KIAA0825: variants seen among roughly 807,000 people sequenced by gnomAD.
KIAA0825 encodes KIAA0825.
KIAA0825 carries 119 observed loss-of-function variants against 147.6 expected under a neutral mutation model. The ratio of observed to expected loss-of-function variants is 0.81; its 90% CI spans 0.69 to 0.94. The LOEUF is 0.94. Ranked by LOEUF, KIAA0825 falls within the 40% of genes least tolerant of loss-of-function variation. The probability of loss-of-function intolerance (pLI) is 0.00; values close to 1 mark genes in which losing one functional copy is unlikely to be tolerated. For missense variants in KIAA0825, 1,381 were observed against 1,472.7 expected (o/e 0.94, Z 1.02); for synonymous variants, 470 against 518.1 (o/e 0.91, Z 1.26).
intron 20 of KIAA0825, among the ~76,000 whole-genome samples, chr5:94,276,638 A>C (rs530765730): frequency 6.6e-6 from 1 of 152,156 alleles, no homozygotes; most frequent in African/African-American, 2.4e-5. Context: ...AAATGTCTGC[A>C]TAGTGTTTTT....
At chr5:94,239,975 A>G (rs1165307292) in intron 20 of KIAA0825, among the ~76,000 whole-genome samples, 1 of 152,188 alleles carries the variant, frequency 6.6e-6, no homozygotes, top group Non-Finnish European at 1.5e-5. Context: ...CTTGCAATGC[A>G]TTTTTGTCCA....
chr5:94,581,783 G>T (rs775550804), intron 2 of KIAA0825, among the ~76,000 whole-genome samples: 2 of 152,174 alleles, frequency 1.3e-5, no homozygotes, highest in African/African-American at 4.8e-5. Context: ...TTTATTAGAA[G>T]TAGTGCATAA....
At chr5:94,198,602 G>A (rs1333575639) in intron 20 of KIAA0825, among the ~76,000 whole-genome samples, 3 of 152,038 alleles carry the variant, frequency 2.0e-5, no homozygotes. Context: ...CTGTCAGGGG[G>A]TGGGAGGCAA....
At chr5:94,474,530 T>G (rs547852490) in intron 7 of KIAA0825, among the ~76,000 whole-genome samples, 1 of 152,290 alleles carries the variant, frequency 6.6e-6, no homozygotes, top group East Asian at 1.9e-4. Flanking sequence ...ATGGTCCCTT[T>G]TATTTTAAAA....
intron 1 of KIAA0825, among the ~76,000 whole-genome samples, chr5:94,597,531 A>G (rs1785530598): frequency 6.6e-6 from 1 of 152,190 alleles, no homozygotes; most frequent in Non-Finnish European, 1.5e-5. Context: ...AAAGTAATTA[A>G]TAGCTCTTTC....
chr5:94,378,801 C>T (rs1321502912), intron 20 of KIAA0825, among the ~76,000 whole-genome samples: 1 of 152,194 alleles, frequency 6.6e-6, no homozygotes. Context: ...GCCATTCTGA[C>T]TGGTGTGAGA....
chr5:94,553,940 A>G (rs2152268454), intron 2 of KIAA0825, among the ~76,000 whole-genome samples: 1 of 152,332 alleles, frequency 6.6e-6, no homozygotes, highest in East Asian at 1.9e-4. Context: ...TATTTTGTTC[A>G]TCAATACTAC....
chr5:94,518,522 C>T (rs1368876667), intron 5 of KIAA0825, among the ~76,000 whole-genome samples: 1 of 152,046 alleles, frequency 6.6e-6, no homozygotes, highest in Non-Finnish European at 1.5e-5. Context: ...ACATGGGTCC[C>T]AGAAATAGAA....
intron 20 of KIAA0825, among the ~76,000 whole-genome samples, chr5:94,205,188 G>T (rs1772039078): frequency 6.7e-6 from 1 of 149,706 alleles, no homozygotes; most frequent in African/African-American, 2.5e-5. Flanking sequence ...TGGTGTGTGT[G>T]TGTATCTGTG....
intron 20 of KIAA0825, among the ~76,000 whole-genome samples, chr5:94,329,868 G>A (rs1183637832): frequency 6.6e-6 from 1 of 152,028 alleles, no homozygotes; most frequent in Non-Finnish European, 1.5e-5. Context: ...TTATATGTGG[G>A]AGCTAAAAAA....
At chr5:94,593,138 C>T in intron 1 of KIAA0825, 1 of 746,826 alleles carries the variant, frequency 1.3e-6, no homozygotes, top group Admixed American at 1.7e-5. Context: ...TTATACATCA[C>T]ACAACAGTTT....
chr5:94,618,178 A>G (rs1470835700), intron 1 of KIAA0825: 1 of 152,278 alleles, frequency 6.6e-6, no homozygotes, highest in African/African-American at 2.4e-5. Flanking sequence ...AATGGGAGAT[A>G]GGAAACTCGT....
At chr5:94,408,377 C>T (rs1172210142) in intron 15 of KIAA0825, among the ~76,000 whole-genome samples, 1 of 151,952 alleles carries the variant, frequency 6.6e-6, no homozygotes, top group African/African-American at 2.4e-5. Flanking sequence ...GAGACAGAGT[C>T]TCGCTCTTGT....
chr5:94,311,700 T>C (rs961749069), intron 20 of KIAA0825, among the ~76,000 whole-genome samples: 1 of 151,698 alleles, frequency 6.6e-6, no homozygotes, highest in African/African-American at 2.4e-5. Context: ...AATAAAACTA[T>C]TCACACGAAA....
chr5:94,597,558 A>G (rs1202002926), intron 1 of KIAA0825, among the ~76,000 whole-genome samples: 1 of 152,198 alleles, frequency 6.6e-6, no homozygotes, highest in Non-Finnish European at 1.5e-5. Flanking sequence ...CAAAGGAAAG[A>G]AACCTTTCCA....
intron 20 of KIAA0825, among the ~76,000 whole-genome samples, chr5:94,324,854 C>T (rs931524188): frequency 2.6e-5 from 4 of 151,240 alleles, no homozygotes; most frequent in Non-Finnish European, 5.9e-5. Context: ...AAAAAGGGTA[C>T]CTATTAGGTA....
intron 1 of KIAA0825, among the ~76,000 whole-genome samples, chr5:94,607,002 G>A (rs1428082394): frequency 6.6e-6 from 1 of 152,040 alleles, no homozygotes; most frequent in Non-Finnish European, 1.5e-5. Context: ...ATTCATGAGG[G>A]ACCTGCCACC....
chr5:94,421,079 C>T (rs948699271), intron 14 of KIAA0825, among the ~76,000 whole-genome samples: 2 of 152,140 alleles, frequency 1.3e-5, no homozygotes, highest in East Asian at 3.8e-4. Flanking sequence ...TCTGGTAGCT[C>T]TTCCTCTTTT....
At chr5:94,339,527 C>T (rs147150229) in intron 20 of KIAA0825, among the ~76,000 whole-genome samples, 87 of 152,274 alleles carry the variant, frequency 5.7e-4, no homozygotes, top group Middle Eastern at 3.4e-3. Flanking sequence ...GTTCCTGTAG[C>T]GTCAACGCAT....
Sources: gnomAD v4.1 joint callset for allele counts (sites outside exome capture counted in the v4.1 genomes callset) on GRCh38, gnomAD v4.1.1 for gene constraint, MANE v1.5 for transcripts, NCBI Gene and HGNC (gene_info 2026-07-23, HGNC 2026-07-21) for gene names.